MAN1A1: variants seen among roughly 807,000 people sequenced by gnomAD.
MAN1A1 encodes mannosidase alpha class 1A member 1, also known as mannosyl-oligosaccharide 1,2-alpha-mannosidase IA.
MAN1A1 carries 29 observed loss-of-function variants against 70.8 expected under a neutral mutation model. The ratio of observed to expected loss-of-function variants is 0.41; its 90% CI spans 0.31 to 0.56. MAN1A1 has a LOEUF of 0.56. Among genes scored for constraint, MAN1A1 ranks in the 20% least tolerant of loss-of-function variants. The pLI, the probability that MAN1A1 is intolerant of heterozygous loss-of-function variation, is 0.29. For synonymous variants in MAN1A1, 349 were observed against 330.1 expected (o/e 1.06, Z -0.62); for missense variants, 747 against 841.3 (o/e 0.89, Z 1.39).
chr6:119,331,373 G>T (rs1773304862), intron 2 of MAN1A1, among the ~76,000 whole-genome samples: 1 of 151,796 alleles, frequency 6.6e-6, no homozygotes, highest in Non-Finnish European at 1.5e-5. Flanking sequence ...GTAACATTAT[G>T]TATCCTAAAC....
At chr6:119,326,439 T>C (rs1004316158) in intron 2 of MAN1A1, among the ~76,000 whole-genome samples, 1 of 152,176 alleles carries the variant, frequency 6.6e-6, no homozygotes, top group African/African-American at 2.4e-5. Context: ...AAACCGGTTA[T>C]AACAAATGGA....
At chr6:119,187,825 G>A (rs1582678654) in intron 11 of MAN1A1, among the ~76,000 whole-genome samples, 2 of 152,160 alleles carry the variant, frequency 1.3e-5, no homozygotes, top group South Asian at 4.1e-4. Context: ...TAGGAAGGAG[G>A]TATACTATCC....
intron 2 of MAN1A1, among the ~76,000 whole-genome samples, chr6:119,321,898 C>CATGA (rs1773019866): frequency 6.6e-6 from 1 of 152,102 alleles, no homozygotes; most frequent in Non-Finnish European, 1.5e-5. Flanking sequence ...GGATTACAGG[C>CATGA]ATGAGCCACC....
At chr6:119,209,680 T>G (rs758585760) in intron 6 of MAN1A1, among the ~76,000 whole-genome samples, 14 of 152,214 alleles carry the variant, frequency 9.2e-5, no homozygotes, top group Admixed American at 2.0e-4. Flanking sequence ...TAAAGCAATT[T>G]GAGCTTCACT....
chr6:119,348,950 G>C lies in MAN1A1; in HGVS notation c.116C>G (p.Thr39Arg). 6.5e-7 allele frequency: 1 copy of C among 1,529,472 alleles called. No homozygotes were observed. The highest frequency in any genetic ancestry group is 8.8e-7 in the Non-Finnish European group (1 of 1,138,024). 94.7% of individuals were successfully genotyped at this position (1,529,472 alleles called of 1,614,324 possible). ...KGSGPAALRL[T>R]EKFVLLLVFS... ...TACCAGCAGCAGCACGAACTTCTCC[G>C]TCAGGCGGAGGGCGGCGGGGCCCGA... is the stretch of plus-strand genomic sequence containing the variant. Residue 39 changes from threonine to arginine, a missense_variant, in exon 2 of 13, where the codon ACG (threonine) becomes AGG (arginine). Around this residue, in one of 2 missense-constraint regions of MAN1A1, gnomAD observed 328 missense variants for 293.1 expected, o/e 1.12. Transcript: ENST00000368468.
At position 119,182,859 on chromosome 6, in the gene MAN1A1, C is replaced by CT. The variant is rs750987986; in HGVS notation, c.1720-2433dup. ...CCCTGTGGATCATAATTCTGTCCCT[C>CT]TTTTTTTTTTACATATATAATTGTA... is the stretch of plus-strand genomic sequence containing the variant. On this transcript the variant is annotated intron_variant, in intron 11 of 12. Transcript: ENST00000368468. 4.4e-3 allele frequency among the ~76,000 whole-genome samples: 653 copies of CT among 149,180 alleles called. 4 individuals are homozygous for CT. Among genetic ancestry groups the CT allele is most frequent in the African/African-American group, 0.015 (611 of 40,944 alleles).
At chr6:119,229,920 A>T (rs1456624712) in intron 6 of MAN1A1, among the ~76,000 whole-genome samples, 1 of 152,190 alleles carries the variant, frequency 6.6e-6, no homozygotes, top group Non-Finnish European at 1.5e-5. Context: ...GTTATTTTTG[A>T]CTATCTGAAA....
intron 2 of MAN1A1, among the ~76,000 whole-genome samples, chr6:119,325,579 C>T (rs893065415): frequency 3.3e-5 from 5 of 152,078 alleles, no homozygotes; most frequent in Admixed American, 6.5e-5. Flanking sequence ...ATCGCTTGAA[C>T]CCAGGAGGCA....
chr6:119,311,712 G>T (rs150357886), intron 2 of MAN1A1, among the ~76,000 whole-genome samples: 1 of 152,134 alleles, frequency 6.6e-6, no homozygotes, highest in African/African-American at 2.4e-5. Flanking sequence ...CAAGGGAGAG[G>T]TGCATCGGAA....
chr6:119,326,108 G>GC (rs540071802), intron 2 of MAN1A1, among the ~76,000 whole-genome samples: 77 of 152,344 alleles, frequency 5.1e-4, no homozygotes, highest in South Asian at 1.7e-3. Flanking sequence ...ACACTCAGGG[G>GC]CCGTAGATAG....
At chr6:119,226,271 C>G (rs2114268619) in intron 6 of MAN1A1, among the ~76,000 whole-genome samples, 1 of 152,340 alleles carries the variant, frequency 6.6e-6, no homozygotes, top group African/African-American at 2.4e-5. Context: ...CAGCAGGCAG[C>G]ATGAGCTTCA....
intron 9 of MAN1A1, among the ~76,000 whole-genome samples, chr6:119,193,400 T>C (rs1400643605): frequency 6.6e-6 from 1 of 151,518 alleles, no homozygotes; most frequent in Non-Finnish European, 1.5e-5. Context: ...CACATGGAGG[T>C]AGCCATTGGG....
chr6:119,326,138 A>G (rs1366752778), intron 2 of MAN1A1, among the ~76,000 whole-genome samples: 1 of 152,212 alleles, frequency 6.6e-6, no homozygotes, highest in Non-Finnish European at 1.5e-5. Context: ...AGCTTTATTC[A>G]GCATCTCTCT....
At position 119,204,959 on chromosome 6, in the gene MAN1A1, TAGAC is replaced by T. The variant is rs1430376037; in HGVS notation, c.993-81_993-78del. 34 of 1,484,596 alleles carry T rather than the reference TAGAC, an allele frequency of 2.3e-5. No homozygotes were observed. The African/African-American group carries it at 2.8e-4, about 12-fold the overall frequency. 92.0% of individuals were successfully genotyped at this position (1,484,596 alleles called of 1,614,324 possible). On this transcript the variant is annotated intron_variant, in intron 6 of 12. Transcript: ENST00000368468. ...CACTATCTAAATAGCAGACATGAAA[TAGAC>T]AGCTTTTAAAAAAAGGCATCCTAGC...
chr6:119,248,812 A>T (rs1775240430), intron 5 of MAN1A1, among the ~76,000 whole-genome samples: 1 of 152,214 alleles, frequency 6.6e-6, no homozygotes, highest in Admixed American at 6.5e-5. Context: ...TAGAGCACAG[A>T]GAAAGAAGTT....
intron 5 of MAN1A1, among the ~76,000 whole-genome samples, chr6:119,256,896 T>A (rs1322697367): frequency 1.3e-5 from 2 of 152,000 alleles, no homozygotes; most frequent in Admixed American, 6.6e-5. Context: ...AAAAATTAAA[T>A]CCCTGATCTC....
intron 2 of MAN1A1, among the ~76,000 whole-genome samples, chr6:119,345,552 A>T (rs1773705415): frequency 6.6e-6 from 1 of 152,236 alleles, no homozygotes; most frequent in African/African-American, 2.4e-5. Flanking sequence ...AGCATTCTGT[A>T]CAATGACCTA....
chr6:119,340,025 A>T (rs770211900), intron 2 of MAN1A1, among the ~76,000 whole-genome samples: 2 of 152,176 alleles, frequency 1.3e-5, no homozygotes, highest in Non-Finnish European at 2.9e-5. Flanking sequence ...TAGGAGGCGG[A>T]GGTTGCAGCA....
intron 2 of MAN1A1, among the ~76,000 whole-genome samples, chr6:119,327,046 G>A (rs1449537898): frequency 6.6e-6 from 1 of 152,118 alleles, no homozygotes; most frequent in Non-Finnish European, 1.5e-5. Flanking sequence ...CTGTGCACAT[G>A]TTATTTCACA....
Sources: allele counts gnomAD v4.1 joint callset (sites outside exome capture counted in the v4.1 genomes callset), GRCh38; gene constraint gnomAD v4.1.1; regional missense constraint gnomAD v4.1.1; transcripts MANE v1.5; gene names NCBI Gene and HGNC (gene_info 2026-07-23, HGNC 2026-07-21).